Variants in PPP2R2A observed in about 807,000 individuals in gnomAD.
PPP2R2A encodes protein phosphatase 2 regulatory subunit Balpha.
Under a neutral mutation model 53.2 loss-of-function variants are expected in PPP2R2A, and 9 were observed. The ratio of observed to expected loss-of-function variants is 0.17; its 90% CI spans 0.10 to 0.30. PPP2R2A has a LOEUF of 0.30. Among genes scored for constraint, PPP2R2A ranks in the 10% least tolerant of loss-of-function variants. The probability of loss-of-function intolerance (pLI) is 1.00; values close to 1 mark genes in which losing one functional copy is unlikely to be tolerated. For missense variants in PPP2R2A, 235 were observed against 534.6 expected, an observed-to-expected ratio of 0.44 and a Z score of 5.53; for synonymous variants, 169 against 174.2, an observed-to-expected ratio of 0.97 and a Z score of 0.23.
At chr8:26,320,612 G>C (rs559015284) in intron 2 of PPP2R2A, among the ~76,000 whole-genome samples, 1 of 152,270 alleles carries the variant, frequency 6.6e-6, no homozygotes, top group South Asian at 2.1e-4. Context: ...AGTTTATCCT[G>C]TCTGTGCAAT....
intron 2 of PPP2R2A, among the ~76,000 whole-genome samples, chr8:26,310,172 T>A (rs1352543062): frequency 6.9e-6 from 1 of 144,640 alleles, no homozygotes; most frequent in Admixed American, 7.0e-5. Context: ...TCCCAGCTAC[T>A]CGGGAGGCTG....
chr8:26,308,857 A>T (rs1401175522), intron 2 of PPP2R2A, among the ~76,000 whole-genome samples: 2 of 149,512 alleles, frequency 1.3e-5, no homozygotes, highest in East Asian at 1.9e-4. Context: ...AGCCTTACAA[A>T]ATATATATAT....
At chr8:26,345,541 G>A (rs908701457) in intron 3 of PPP2R2A, among the ~76,000 whole-genome samples, 2 of 152,050 alleles carry the variant, frequency 1.3e-5, no homozygotes, top group Non-Finnish European at 2.9e-5. Flanking sequence ...ATACTGTATA[G>A]TGAATACCTT....
intron 2 of PPP2R2A, among the ~76,000 whole-genome samples, chr8:26,310,584 A>C (rs1405610693): frequency 6.6e-6 from 1 of 151,890 alleles, no homozygotes; most frequent in Non-Finnish European, 1.5e-5. Flanking sequence ...GATCATGATG[A>C]ACATCCTTGT....
chr8:26,334,694 G>A (rs1803562882), intron 2 of PPP2R2A, among the ~76,000 whole-genome samples: 2 of 151,930 alleles, frequency 1.3e-5, no homozygotes, highest in African/African-American at 2.4e-5. Flanking sequence ...GCAGGGAGCC[G>A]AGATCGCGCC....
chr8:26,304,793 G>C (rs1801939463), intron 2 of PPP2R2A, among the ~76,000 whole-genome samples: 1 of 152,140 alleles, frequency 6.6e-6, no homozygotes, highest in Non-Finnish European at 1.5e-5. Context: ...TTTGTTAAAG[G>C]AATTGGTAGT....
At position 26,297,178 on chromosome 8, in the gene PPP2R2A, C is replaced by T. The variant is rs189809954; in HGVS notation, c.82+3438C>T. On this transcript the variant is annotated intron_variant, in intron 2 of 9. Transcript: ENST00000380737. Reference sequence around the variant, plus strand: ...AGGCTGGAGTGCAGTGGCACGATCTCGACTCACTGCATCCTCAGCCTCCCG... The same window carrying T: ...AGGCTGGAGTGCAGTGGCACGATCTTGACTCACTGCATCCTCAGCCTCCCG... Among the ~76,000 whole-genome samples the T allele has an allele frequency of 3.3e-3, 500 of 152,254 alleles. 11 individuals are homozygous for T. Among genetic ancestry groups the T allele is most frequent in the Admixed American group, 0.028 (432 of 15,294 alleles).
chr8:26,360,227 C>T lies in PPP2R2A; in HGVS notation c.405C>T (p.Asn135=), dbSNP rs1165629413. 6.2e-7 allele frequency: 1 copy of T among 1,610,824 alleles called. No homozygotes were observed. Among genetic ancestry groups the T allele is most frequent in the African/African-American group, 1.3e-5 (1 of 74,840 alleles). The change falls in exon 5 of 10, where the codon AAC becomes AAT. Residue 135 remains asparagine (N), a synonymous_variant. Coordinates refer to ENST00000380737, the MANE Select transcript of PPP2R2A (RefSeq NM_002717.4). The surrounding 1 kb of genome is among the most constrained non-coding windows in gnomAD (Gnocchi z 4.5). ...SERDKRPEGY[N]LKEEDGRYRD... is the part of the protein sequence containing the mutation. ...GGGACAAAAGACCAGAAGGGTATAA[C>T]TTGAAAGAGGAGGATGGAAGGTATA...
At chr8:26,298,199 T>G (rs1287856382) in intron 2 of PPP2R2A, among the ~76,000 whole-genome samples, 1 of 152,170 alleles carries the variant, frequency 6.6e-6, no homozygotes, top group Non-Finnish European at 1.5e-5. Flanking sequence ...ATTTTTGGTT[T>G]TCTTTATCTG....
chr8:26,329,911 G>A (rs1301735385), intron 2 of PPP2R2A, among the ~76,000 whole-genome samples: 3 of 152,098 alleles, frequency 2.0e-5, no homozygotes, highest in Non-Finnish European at 4.4e-5. Flanking sequence ...TGAGTTGTGG[G>A]TACCATATAC....
intron 2 of PPP2R2A, among the ~76,000 whole-genome samples, chr8:26,296,135 A>G (rs1396138603): frequency 6.6e-6 from 1 of 152,174 alleles, no homozygotes; most frequent in East Asian, 1.9e-4. Flanking sequence ...TCCCTCATCC[A>G]GATTGCAGTA....
chr8:26,338,862 CTT>C lies in PPP2R2A; in HGVS notation c.83-22_83-21del, dbSNP rs757454334. Reference sequence around the variant, plus strand: ...TGAGTCGGGAAAGAAAAACTAATATCTTTTTTTGTTTTGTCTCAATTATACAG... The same window carrying C: ...TGAGTCGGGAAAGAAAAACTAATATCTTTTTGTTTTGTCTCAATTATACAG... On this transcript the variant is annotated intron_variant, in intron 2 of 9. Coordinates refer to ENST00000380737, the MANE Select transcript of PPP2R2A (RefSeq NM_002717.4). The surrounding 1 kb of genome is among the most constrained non-coding windows in gnomAD (Gnocchi z 4.5). 6.8e-7 allele frequency: 1 copy of C among 1,473,442 alleles called. No individual in the cohort carries two copies. Among genetic ancestry groups the C allele is most frequent in the South Asian group, 1.2e-5 (1 of 84,214 alleles). The allele number at this position is 1,473,442 out of a possible 1,614,324, so 91.3% of individuals were successfully genotyped here.
intron 2 of PPP2R2A, among the ~76,000 whole-genome samples, chr8:26,295,709 A>AACAT (rs1209953102): frequency 1.3e-5 from 2 of 152,338 alleles, no homozygotes; most frequent in East Asian, 3.9e-4. Context: ...TTAGTAAGAT[A>AACAT]ACATATCTTA....
intron 1 of PPP2R2A, chr8:26,292,174 GC>G (rs1193027247): frequency 7.7e-6 from 9 of 1,174,194 alleles, no homozygotes; most frequent in African/African-American, 1.6e-5. Context: ...TCCCCACCTT[GC>G]CCCCCGCCTT....
intron 9 of PPP2R2A, among the ~76,000 whole-genome samples, chr8:26,369,189 T>C (rs1202835381): frequency 6.6e-6 from 1 of 151,992 alleles, no homozygotes; most frequent in African/African-American, 2.4e-5. Flanking sequence ...AACATAAGCA[T>C]TTATTAAATG....
rs751953474 is a variant in PPP2R2A, at chr8:26,360,946, TTC to T, written c.460-26_460-25del. The T allele has an allele frequency of 9.8e-5, 153 of 1,565,208 alleles. No homozygotes were observed. The highest frequency in any genetic ancestry group is 7.2e-4 in the Middle Eastern group (4 of 5,582). On this transcript the variant is annotated intron_variant, in intron 5 of 9. Coordinates refer to ENST00000380737, the MANE Select transcript of PPP2R2A (RefSeq NM_002717.4). The surrounding 1 kb of genome is among the most constrained non-coding windows in gnomAD (Gnocchi z 4.5). Reference sequence around the variant, plus strand: ...TATTTGAAACTGAGCCTTTTGTAATTTCTGTTTTTCATGTGTCTTATTGACAG... The same window carrying T: ...TATTTGAAACTGAGCCTTTTGTAATTTGTTTTTCATGTGTCTTATTGACAG...
intron 4 of PPP2R2A, among the ~76,000 whole-genome samples, chr8:26,358,298 C>T (rs1804895655): frequency 6.6e-6 from 1 of 151,976 alleles, no homozygotes; most frequent in African/African-American, 2.4e-5. Context: ...GACCAGGGGG[C>T]GGGGGTGTTG....
intron 2 of PPP2R2A, among the ~76,000 whole-genome samples, chr8:26,296,920 A>G (rs1452282481): frequency 6.6e-6 from 1 of 152,220 alleles, no homozygotes; most frequent in Non-Finnish European, 1.5e-5. Flanking sequence ...CGTATAATGC[A>G]AAGAAATCAG....
intron 2 of PPP2R2A, among the ~76,000 whole-genome samples, chr8:26,296,128 C>G (rs1205484334): frequency 2.0e-5 from 3 of 152,214 alleles, no homozygotes; most frequent in African/African-American, 7.2e-5. Context: ...TGCACTCTCC[C>G]TCATCCAGAT....
Sources: gnomAD v4.1 joint callset for allele counts (sites outside exome capture counted in the v4.1 genomes callset) on GRCh38, gnomAD v4.1.1 for gene constraint, Gnocchi (gnomAD v3.1) non-coding constraint, MANE v1.5 for transcripts, NCBI Gene and HGNC (gene_info 2026-07-23, HGNC 2026-07-21) for gene names.